NAT10: variants seen among roughly 807,000 people sequenced by gnomAD.
NAT10 encodes RNA cytidine acetyltransferase.
Under a neutral mutation model 132.2 loss-of-function variants are expected in NAT10, and 109 were observed. That is an observed-to-expected ratio of 0.82 (90% CI 0.71 to 0.97). The LOEUF (loss-of-function observed/expected upper bound fraction) is 0.97. Ranked by LOEUF, NAT10 falls within the 50% of genes least tolerant of loss-of-function variation. The pLI, the probability that NAT10 is intolerant of heterozygous loss-of-function variation, is 0.00. For synonymous variants in NAT10, 479 were observed against 478.0 expected (o/e 1.00, Z -0.03); for missense variants, 1,184 against 1,263.4 (o/e 0.94, Z 0.95).
Position 34,130,948 on chromosome 11 carries a change from A to AC in NAT10, c.1369+13dup. 6.2e-7 allele frequency: 1 copy of AC among 1,613,610 alleles called. No homozygotes were observed. Among genetic ancestry groups the AC allele is most frequent in the Non-Finnish European group, 8.5e-7 (1 of 1,179,692 alleles). ...CCAGATTGGCATCAGGTACCCCAGAACCTGACCCGGGTCCCGCGGTTCACA... is the reference window on the plus strand; with the variant it reads ...CCAGATTGGCATCAGGTACCCCAGAACCCTGACCCGGGTCCCGCGGTTCACA... On this transcript the variant is annotated intron_variant, in intron 13 of 28. Coordinates refer to ENST00000257829, the MANE Select transcript of NAT10 (RefSeq NM_024662.3).
At chr11:34,115,691 G>A in intron 5 of NAT10, 132 bp from the exon 6 acceptor site, 1 of 705,688 alleles carries the variant, frequency 1.4e-6, no homozygotes, top group South Asian at 2.5e-5. Flanking sequence ...ATTTGGCACA[G>A]CAGTGTGTGT....
rs142807420 is a variant in NAT10 at position 34,122,581 on chromosome 11, G to A, written c.903G>A (p.Ala301=). The change falls in exon 9 of 29, where the codon GCG becomes GCA. Residue 301 remains alanine, a synonymous_variant. Coordinates refer to ENST00000257829, the MANE Select transcript of NAT10 (RefSeq NM_024662.3). ...CCCTGGGATTGGCGATTGCTGGGGC[G>A]GTGGCATTTGGGTAAGGGGATTCAG... is the stretch of plus-strand genomic sequence containing the variant. The part of the protein sequence containing the change: ...SAALGLAIAG[A]VAFGYSNIFV... 8.7e-5 allele frequency: 141 copies of A among 1,614,044 alleles called. No individual in the cohort carries two copies. The highest frequency in any genetic ancestry group is 3.7e-4 in the African/African-American group (28 of 75,010).
intron 3 of NAT10, 147 bp downstream of exon 3, chr11:34,108,980 A>C: frequency 1.6e-6 from 1 of 640,902 alleles, no homozygotes; most frequent in Middle Eastern, 4.3e-4. Flanking sequence ...TCCTTTCTTC[A>C]TTCCTGAAAA....
At chr11:34,109,727 GA>G (rs1012872524) in intron 3 of NAT10, among the ~76,000 whole-genome samples, 1 of 152,208 alleles carries the variant, frequency 6.6e-6, no homozygotes, top group African/African-American at 2.4e-5. Flanking sequence ...AATCCAAGGG[GA>G]TAAGATTTCA....
rs1851774796 is a variant in NAT10 at position 34,115,856 on chromosome 11, C to T, written c.529C>T (p.Gln177Ter). 2.5e-6 allele frequency: 4 copies of T among 1,614,106 alleles called. No individual in the cohort carries two copies. Among genetic ancestry groups the T allele is most frequent in the Non-Finnish European group, 3.4e-6 (4 of 1,179,984 alleles). ...TTCCAGGTACAGAACTGAGGCCCAT[C>T]AGGATGTGGTGGGAAGATTTAATGA... is the stretch of plus-strand genomic sequence containing the variant. The part of the protein sequence containing the change: ...VHSRYRTEAH[Q>*]DVVGRFNERF... Residue 177 changes from glutamine to a stop codon, truncating the protein, a stop_gained, in exon 6 of 29, where the codon CAG becomes TAG. Coordinates refer to ENST00000257829, the MANE Select transcript of NAT10 (RefSeq NM_024662.3). LOFTEE classifies it high-confidence loss of function.
rs776769551 is a variant in NAT10 at position 34,124,315 on chromosome 11, A to G, written c.1022A>G (p.Tyr341Cys). 1.2e-6 allele frequency: 2 copies of G among 1,611,992 alleles called. No individual in the cohort carries two copies. Among genetic ancestry groups the G allele is most frequent in the Non-Finnish European group, 1.7e-6 (2 of 1,178,796 alleles). The change falls in exon 11 of 29, where the codon TAT becomes TGT. Residue 341 changes from tyrosine to cysteine, a missense_variant. By Grantham distance (194) the Tyr-to-Cys change is radical (BLOSUM62 -2). Coordinates refer to ENST00000257829, the MANE Select transcript of NAT10 (RefSeq NM_024662.3). ...DALQYQEHLDYEIIQSLNPEF... is the reference protein window; with the variant it reads ...DALQYQEHLDCEIIQSLNPEF... ...ACTCCCCACCAGGAACATCTGGATT[A>G]TGAGATTATCCAGTCTCTAAATCCT... is the stretch of plus-strand genomic sequence containing the variant.
chr11:34,134,954 T>G (rs1431387942), intron 18 of NAT10, among the ~76,000 whole-genome samples: 1 of 152,250 alleles, frequency 6.6e-6, no homozygotes, highest in Non-Finnish European at 1.5e-5. Flanking sequence ...CTCAAGTGGC[T>G]GTTCTTGATG....
chr11:34,118,199 T>G lies in NAT10; in HGVS notation c.577T>G (p.Ser193Ala). 6.2e-7 allele frequency: 1 copy of G among 1,614,150 alleles called. No individual in the cohort carries two copies. Among genetic ancestry groups the G allele is most frequent in the South Asian group, 1.1e-5 (1 of 91,088 alleles). The change falls in exon 7 of 29, where the codon TCT becomes GCT. Residue 193 changes from serine to alanine, a missense_variant. Physicochemically the swap from Ser to Ala is moderately conservative, Grantham distance 99. Transcript: ENST00000257829. Reference sequence around the variant, plus strand: ...TCTCAGGTTTATTCTGTCTCTGGCCTCTTGTAAGAAGTGTCTCGTCATTGA... The same window carrying G: ...TCTCAGGTTTATTCTGTCTCTGGCCGCTTGTAAGAAGTGTCTCGTCATTGA... ...FNERFILSLA[S>A]CKKCLVIDDQ...
At chr11:34,133,611 GC>G (rs1852147917) in intron 16 of NAT10, among the ~76,000 whole-genome samples, 1 of 152,112 alleles carries the variant, frequency 6.6e-6, no homozygotes, top group Admixed American at 6.5e-5. Flanking sequence ...AAGTTTTAAA[GC>G]TGTGTAGTAT....
chr11:34,146,279 G>A lies in NAT10; in HGVS notation c.*87G>A, dbSNP rs1267589645. 7.1e-6 allele frequency: 7 copies of A among 984,326 alleles called. No individual in the cohort carries two copies. In the Admixed American group the frequency reaches 8.5e-5, roughly 12 times the overall value. 61.0% of individuals were successfully genotyped at this position (984,326 alleles called of 1,614,324 possible). ...CTCTGGCTGGACTGTTAAAAGCAAC[G>A]AGAGGCCCCGGCACACCTGGAAGCT... On this transcript the variant is annotated 3_prime_UTR_variant, in exon 29 of 29. Coordinates refer to ENST00000257829, the MANE Select transcript of NAT10 (RefSeq NM_024662.3).
rs1852434463 is a variant in NAT10 at position 34,146,077 on chromosome 11, T to C, written c.2970-7T>C. On this transcript the variant is annotated splice_region_variant and splice_polypyrimidine_tract_variant and intron_variant, in intron 28 of 28. Coordinates refer to ENST00000257829, the MANE Select transcript of NAT10 (RefSeq NM_024662.3). Reference sequence around the variant, plus strand: ...TTTCATTCTTTCTATTTTTGATTTTTCTCTAGTGACAAGAAAAGGAAGTTA... The same window carrying C: ...TTTCATTCTTTCTATTTTTGATTTTCCTCTAGTGACAAGAAAAGGAAGTTA... The C allele has an allele frequency of 1.9e-6, 3 of 1,582,128 alleles. No homozygotes were observed. Among genetic ancestry groups the C allele is most frequent in the Non-Finnish European group, 2.6e-6 (3 of 1,160,088 alleles).
chr11:34,108,234 GA>G lies in NAT10; in HGVS notation c.14del (p.Lys5ArgfsTer14). 2 of 1,613,594 alleles carry G rather than the reference GA, an allele frequency of 1.2e-6. No individual in the cohort carries two copies. Among genetic ancestry groups the G allele is most frequent in the Non-Finnish European group, 1.7e-6 (2 of 1,179,538 alleles). On this transcript the variant is annotated frameshift_variant, in exon 2 of 29. Transcript: ENST00000257829. LOFTEE classifies it high-confidence loss of function. ...AGTAATAATTTTTCACCATGCATCGGAAAAAGGTGGATAACCGAATCCGGAT... is the reference window on the plus strand; with the variant it reads ...AGTAATAATTTTTCACCATGCATCGGAAAAGGTGGATAACCGAATCCGGAT... The part of the protein sequence containing the change: MHR[K>X]KVDNRIRILI...
At chr11:34,132,039 C>A in intron 14 of NAT10, 86 bp from the exon 15 acceptor site, 1 of 979,112 alleles carries the variant, frequency 1.0e-6, no homozygotes, top group Non-Finnish European at 1.6e-6. Flanking sequence ...CTGTTCCCAG[C>A]TACGGAAATT....
At chr11:34,115,681 A>G (rs1851772591) in intron 5 of NAT10, 142 bp from the exon 6 acceptor site, 3 of 651,858 alleles carry the variant, frequency 4.6e-6, no homozygotes, top group East Asian at 2.8e-5. Flanking sequence ...AGCAAATACC[A>G]TTTGGCACAG....
Position 34,141,097 on chromosome 11 carries a change from C to T in NAT10, c.2601C>T (p.Leu867=), listed in dbSNP as rs754881452. ...LALSAAQSAL[L]LGIGLQHKSV... ...GATTTTCCATCCTTTAGGCTCTTCT[C>T]TTGGGGATTGGCCTGCAGCATAAGT... The change falls in exon 25 of 29, where the codon CTC becomes CTT. Residue 867 remains leucine, a synonymous_variant. Transcript: ENST00000257829. 1.9e-5 allele frequency: 30 copies of T among 1,613,860 alleles called. No homozygotes were observed. The highest frequency in any genetic ancestry group is 2.7e-5 in the African/African-American group (2 of 74,862).
At position 34,142,269 on chromosome 11, in the gene NAT10, C is replaced by T. The variant is rs1256197431; in HGVS notation, c.2812-6C>T. On this transcript the variant is annotated splice_polypyrimidine_tract_variant and splice_region_variant and intron_variant, in intron 26 of 28. Coordinates refer to ENST00000257829, the MANE Select transcript of NAT10 (RefSeq NM_024662.3). ...ACTTAGTCTCTTTATGGGTCCTTAA[C>T]CACAGGATGAAGCAGCAAAGGAATT... 1.2e-6 allele frequency: 2 copies of T among 1,613,820 alleles called. No individual in the cohort carries two copies. The highest frequency in any genetic ancestry group is 1.7e-6 in the Non-Finnish European group (2 of 1,179,780).
rs1413989525 is a variant in NAT10, at chr11:34,113,752, A to G, written c.409A>G (p.Thr137Ala). The change falls in exon 5 of 29, where the codon ACT becomes GCT. Residue 137 changes from threonine (T) to alanine (A), a missense_variant. Transcript: ENST00000257829. ...EALTPNLLAR[T>A]VETVEGGGLV... Reference sequence around the variant, plus strand: ...CTTAACTCCAAACTTGCTGGCCAGGACTGTAGAAACAGTGGAAGGTGGTGG... The same window carrying G: ...CTTAACTCCAAACTTGCTGGCCAGGGCTGTAGAAACAGTGGAAGGTGGTGG... 6.2e-7 allele frequency: 1 copy of G among 1,613,362 alleles called. No individual in the cohort carries two copies. Among genetic ancestry groups the G allele is most frequent in the Non-Finnish European group, 8.5e-7 (1 of 1,179,906 alleles).
intron 8 of NAT10, among the ~76,000 whole-genome samples, chr11:34,119,917 A>T (rs77311669): frequency 6.6e-6 from 1 of 152,134 alleles, no homozygotes; most frequent in East Asian, 1.9e-4. Context: ...TGTGTATTCA[A>T]ATGGGTGTTG....
chr11:34,133,828 A>G (rs1422338022), intron 16 of NAT10, among the ~76,000 whole-genome samples: 2 of 152,066 alleles, frequency 1.3e-5, no homozygotes, highest in Non-Finnish European at 2.9e-5. Flanking sequence ...GCCCTGTAAC[A>G]TGGGGCCTGG....
Sources: allele counts gnomAD v4.1 joint callset (sites outside exome capture counted in the v4.1 genomes callset), GRCh38; gene constraint gnomAD v4.1.1; transcripts MANE v1.5; gene names NCBI Gene and HGNC (gene_info 2026-07-23, HGNC 2026-07-21).